The following RNF180 variants were observed in gnomAD, a reference collection of about 807,000 sequenced individuals.
RNF180 encodes ring finger protein 180, also known as E3 ubiquitin-protein ligase RNF180.
RNF180 carries 38 observed loss-of-function variants against 59.2 expected under a neutral mutation model. The ratio of observed to expected loss-of-function variants is 0.64; its 90% CI spans 0.50 to 0.84. The LOEUF (loss-of-function observed/expected upper bound fraction) is 0.84, where lower values mean the gene tolerates loss of function less well. Among genes scored for constraint, RNF180 ranks in the 40% least tolerant of loss-of-function variants. RNF180 has a pLI of 0.00. For missense variants in RNF180, 705 were observed against 700.9 expected, an observed-to-expected ratio of 1.01 and a Z score of -0.07; for synonymous variants, 262 against 240.3, an observed-to-expected ratio of 1.09 and a Z score of -0.84.
chr5:64,352,483 A>G (rs1449292961), intron 7 of RNF180, among the ~76,000 whole-genome samples: 1 of 151,644 alleles, frequency 6.6e-6, no homozygotes, highest in Admixed American at 6.6e-5. Flanking sequence ...ATTTCTTTTA[A>G]TTGTGATGTT....
At chr5:64,274,563 T>TCC (rs1741606804) in intron 5 of RNF180, among the ~76,000 whole-genome samples, 1 of 152,060 alleles carries the variant, frequency 6.6e-6, no homozygotes, top group Non-Finnish European at 1.5e-5. Flanking sequence ...TGTTTGATTT[T>TCC]CTGTGATCTT....
intron 5 of RNF180, among the ~76,000 whole-genome samples, chr5:64,307,997 A>T (rs994391276): frequency 6.6e-6 from 1 of 151,776 alleles, no homozygotes; most frequent in Admixed American, 6.6e-5. Context: ...AGAAATTTTT[A>T]AATTTGTGGG....
intron 4 of RNF180, among the ~76,000 whole-genome samples, chr5:64,215,559 T>C (rs1752576338): frequency 6.6e-6 from 1 of 152,134 alleles, no homozygotes; most frequent in Non-Finnish European, 1.5e-5. Context: ...TTTGGTTTGT[T>C]TACAAGTGAT....
At chr5:64,300,610 G>T (rs1011441953) in intron 5 of RNF180, among the ~76,000 whole-genome samples, 3 of 151,620 alleles carry the variant, frequency 2.0e-5, no homozygotes, top group African/African-American at 7.3e-5. Flanking sequence ...TCAGATAAGC[G>T]GGGGACTACT....
At chr5:64,261,166 T>C (rs1744317956) in intron 5 of RNF180, among the ~76,000 whole-genome samples, 1 of 152,194 alleles carries the variant, frequency 6.6e-6, no homozygotes, top group Non-Finnish European at 1.5e-5. Context: ...TCATTTGGCA[T>C]ATCATATCTA....
intron 7 of RNF180, among the ~76,000 whole-genome samples, chr5:64,343,342 CATATG>C (rs1379307198): frequency 6.6e-6 from 1 of 152,048 alleles, no homozygotes; most frequent in Non-Finnish European, 1.5e-5. Flanking sequence ...GAATTAAGAA[CATATG>C]ATATGGCTTT....
chr5:64,180,183 G>T (rs867950054), intron 1 of RNF180, among the ~76,000 whole-genome samples: 2 of 152,102 alleles, frequency 1.3e-5, no homozygotes, highest in Non-Finnish European at 2.9e-5. Flanking sequence ...CATTAATTTT[G>T]TCTTTTCTTA....
chr5:64,228,242 C>T lies in RNF180; in HGVS notation c.1227+10846C>T, dbSNP rs558644996. On this transcript the variant is annotated intron_variant, in intron 5 of 7. Transcript: ENST00000389100. Reference sequence around the variant, plus strand: ...TTAGGAGGCCAAATTTGGTCAGGCACGGTGGCTCTTGCCTGAAATCCTAGC... The same window carrying T: ...TTAGGAGGCCAAATTTGGTCAGGCATGGTGGCTCTTGCCTGAAATCCTAGC... 2.8e-3 allele frequency among the ~76,000 whole-genome samples: 432 copies of T among 152,268 alleles called. 4 individuals are homozygous for T. The highest frequency in any genetic ancestry group is 3.6e-3 in the Non-Finnish European group (242 of 68,004).
At chr5:64,250,916 T>C (rs1427256732) in intron 5 of RNF180, among the ~76,000 whole-genome samples, 1 of 151,980 alleles carries the variant, frequency 6.6e-6, no homozygotes, top group African/African-American at 2.4e-5. Flanking sequence ...AAGAGAAAAC[T>C]ACAGTCCAAT....
chr5:64,281,634 G>T (rs1465100350), intron 5 of RNF180, among the ~76,000 whole-genome samples: 2 of 152,062 alleles, frequency 1.3e-5, no homozygotes, highest in Non-Finnish European at 2.9e-5. Flanking sequence ...GAGTAGCTGG[G>T]ATTACAGGTA....
chr5:64,246,495 A>G (rs1481204337), intron 5 of RNF180, among the ~76,000 whole-genome samples: 3 of 152,242 alleles, frequency 2.0e-5, no homozygotes, highest in Non-Finnish European at 4.4e-5. Flanking sequence ...CTATGCAAAT[A>G]AACTAGAAAA....
intron 5 of RNF180, among the ~76,000 whole-genome samples, chr5:64,268,649 C>T (rs529448341): frequency 3.1e-4 from 47 of 152,098 alleles, no homozygotes; most frequent in Non-Finnish European, 6.8e-4. Flanking sequence ...CTTTTAAGAA[C>T]CATCTGATTA....
chr5:64,238,521 G>T (rs1404291626), intron 5 of RNF180, among the ~76,000 whole-genome samples: 1 of 151,930 alleles, frequency 6.6e-6, no homozygotes, highest in Non-Finnish European at 1.5e-5. Context: ...GTTTCTTTTG[G>T]TAATAGCCAT....
chr5:64,235,851 C>G (rs1487646327), intron 5 of RNF180, among the ~76,000 whole-genome samples: 1 of 152,152 alleles, frequency 6.6e-6, no homozygotes, highest in Non-Finnish European at 1.5e-5. Flanking sequence ...GCCTTACTTC[C>G]CCTTTACCTT....
At position 64,217,578 on chromosome 5, in the gene RNF180, C is replaced by T. The variant is rs189843904; in HGVS notation, c.1227+182C>T. Reference sequence around the variant, plus strand: ...CATAGACAGTTGTATCACATCATGACTTTAATTTGCTTTTCCTTAAGGATG... The same window carrying T: ...CATAGACAGTTGTATCACATCATGATTTTAATTTGCTTTTCCTTAAGGATG... On this transcript the variant is annotated intron_variant, in intron 5 of 7. Transcript: ENST00000389100. 373 of 961,712 alleles carry T rather than the reference C, an allele frequency of 3.9e-4. No homozygotes were observed. The Middle Eastern group carries it at 6.7e-3, about 17-fold the overall frequency. The allele number at this position is 961,712 out of a possible 1,614,324, so 59.6% of individuals were successfully genotyped here.
At chr5:64,349,797 A>G (rs1036090151) in intron 7 of RNF180, among the ~76,000 whole-genome samples, 3 of 152,122 alleles carry the variant, frequency 2.0e-5, no homozygotes, top group Non-Finnish European at 2.9e-5. Context: ...ATAGTATTCC[A>G]TGGTGTATAT....
At chr5:64,232,614 A>G (rs1376875700) in intron 5 of RNF180, among the ~76,000 whole-genome samples, 1 of 152,238 alleles carries the variant, frequency 6.6e-6, no homozygotes, top group African/African-American at 2.4e-5. Context: ...TAAGATTGAT[A>G]TTGAAGAATG....
chr5:64,328,945 T>C (rs533243411), intron 6 of RNF180, among the ~76,000 whole-genome samples: 1 of 152,250 alleles, frequency 6.6e-6, no homozygotes, highest in South Asian at 2.1e-4. Flanking sequence ...GCCTAAGAGG[T>C]TGTTCTCAGA....
chr5:64,236,004 G>C (rs146938612), intron 5 of RNF180, among the ~76,000 whole-genome samples: 1 of 152,206 alleles, frequency 6.6e-6, no homozygotes, highest in East Asian at 1.9e-4. Context: ...GAATTGGTAC[G>C]AGCAGAGTAA....
Sources: gnomAD v4.1 joint callset for allele counts (sites outside exome capture counted in the v4.1 genomes callset) on GRCh38, gnomAD v4.1.1 for gene constraint, MANE v1.5 for transcripts, NCBI Gene and HGNC (gene_info 2026-07-23, HGNC 2026-07-21) for gene names.